The following ADAMTSL1 variants were observed in gnomAD, a reference collection of about 807,000 sequenced individuals.
ADAMTSL1 encodes the protein ADAMTS like 1.
ADAMTSL1 carries 126 observed loss-of-function variants against 201.8 expected under a neutral mutation model. That is an observed-to-expected ratio of 0.62 (90% CI 0.54 to 0.72). The LOEUF (loss-of-function observed/expected upper bound fraction) is 0.72. Ranked by LOEUF, ADAMTSL1 falls within the 30% of genes least tolerant of loss-of-function variation. The pLI, the probability that ADAMTSL1 is intolerant of heterozygous loss-of-function variation, is 0.00. For synonymous variants in ADAMTSL1, 1,121 were observed against 903.4 expected (o/e 1.24, Z -4.32); for missense variants, 2,679 against 2,277.8 (o/e 1.18, Z -3.59).
At chr9:18,016,007 C>G (rs1326296078) in intron 1 of ADAMTSL1, among the ~76,000 whole-genome samples, 1 of 151,976 alleles carries the variant, frequency 6.6e-6, no homozygotes, top group East Asian at 1.9e-4. Context: ...TATGGCAGAT[C>G]TAATCTTGTC....
Position 18,675,883 on chromosome 9 carries a change from A to G in ADAMTSL1, c.1112A>G (p.Tyr371Cys). The G allele has an allele frequency of 6.2e-7, 1 of 1,613,300 alleles. No homozygotes were observed. Among genetic ancestry groups the G allele is most frequent in the East Asian group, 2.2e-5 (1 of 44,824 alleles). The part of the protein sequence containing the change: ...ASDGYKQIMP[Y>C]DLYHPLPRWE... ...GACGGATACAAGCAGATCATGCCTT[A>G]TGACCTCTACCATCCCCTTCCTCGG... is the stretch of plus-strand genomic sequence containing the variant. Residue 371 changes from tyrosine (Y) to cysteine (C), a missense_variant, in exon 10 of 29, where the codon TAT (tyrosine) becomes TGT (cysteine). Tyr to Cys is a radical substitution (Grantham distance 194, BLOSUM62 -2). Coordinates refer to ENST00000380548, the MANE Select transcript of ADAMTSL1 (RefSeq NM_001040272.6).
chr9:18,792,276 A>G (rs979107239), intron 19 of ADAMTSL1, among the ~76,000 whole-genome samples: 9 of 152,170 alleles, frequency 5.9e-5, no homozygotes, highest in Admixed American at 3.3e-4. Context: ...AATTCCTTAT[A>G]TACCCCAGTT....
intron 1 of ADAMTSL1, among the ~76,000 whole-genome samples, chr9:17,933,975 A>G (rs1444585465): frequency 2.0e-5 from 3 of 152,174 alleles, no homozygotes; most frequent in East Asian, 3.8e-4. Flanking sequence ...TTCTGTTTTA[A>G]TATCCTCTTC....
chr9:18,731,190 G>A (rs1164629592), intron 15 of ADAMTSL1, among the ~76,000 whole-genome samples: 1 of 152,224 alleles, frequency 6.6e-6, no homozygotes, highest in Non-Finnish European at 1.5e-5. Flanking sequence ...CCCACCAGGA[G>A]TAGAGATACT....
rs72692434 is a variant in ADAMTSL1, at chr9:18,838,507, C to T, written c.4249+8530C>T. On this transcript the variant is annotated intron_variant, in intron 23 of 28. Transcript: ENST00000380548. ...CAGAATTAGATAGCCTCAGGTGGCT[C>T]CAGTTTAAAAATAAATAAATAAATA... Among the ~76,000 whole-genome samples the T allele has an allele frequency of 6.2e-3, 933 of 151,524 alleles. 8 individuals carry two copies. The highest frequency in any genetic ancestry group is 9.4e-3 in the Non-Finnish European group (635 of 67,858).
At chr9:18,049,859 G>A (rs1821851544) in intron 1 of ADAMTSL1, among the ~76,000 whole-genome samples, 2 of 152,218 alleles carry the variant, frequency 1.3e-5, no homozygotes, top group African/African-American at 2.4e-5. Context: ...TCCTGACCTC[G>A]TGATCTGCCT....
At chr9:17,970,123 G>C (rs1818147302) in intron 1 of ADAMTSL1, among the ~76,000 whole-genome samples, 1 of 151,668 alleles carries the variant, frequency 6.6e-6, no homozygotes, top group Non-Finnish European at 1.5e-5. Flanking sequence ...CTCTTAATGG[G>C]GCCTCATCAT....
At chr9:18,290,781 GTTTT>G (rs71492936) in intron 2 of ADAMTSL1, among the ~76,000 whole-genome samples, 1 of 135,068 alleles carries the variant, frequency 7.4e-6, no homozygotes, top group Non-Finnish European at 1.6e-5. Context: ...TTTTTTGTGT[GTTTT>G]TTTTTTTTTT....
intron 14 of ADAMTSL1, among the ~76,000 whole-genome samples, chr9:18,710,734 G>A (rs1023711223): frequency 2.3e-5 from 3 of 128,480 alleles, no homozygotes; most frequent in African/African-American, 8.5e-5. Flanking sequence ...TTTACATTTG[G>A]CCACCTCAAA....
chr9:18,391,760 CAG>C (rs1838054699), intron 2 of ADAMTSL1, among the ~76,000 whole-genome samples: 3 of 151,534 alleles, frequency 2.0e-5, no homozygotes. Context: ...AATGAAGACT[CAG>C]ATGATTTTTT....
rs148339809 is a variant in ADAMTSL1, at chr9:18,180,825, C to G, written c.207+16844C>G. On this transcript the variant is annotated intron_variant, in intron 2 of 29. Transcript: ENST00000680146. ...GGAACCAAACAAGAGCCCGCATCGC[C>G]AAGTCAATCCTAAGGCAAAAGAACA... is the stretch of plus-strand genomic sequence containing the variant. Among the ~76,000 whole-genome samples, 299 of 152,268 alleles carry G rather than the reference C, an allele frequency of 2.0e-3. 2 individuals carry two copies. Among genetic ancestry groups the G allele is most frequent in the African/African-American group, 6.8e-3 (281 of 41,566 alleles).
chr9:18,280,838 A>T (rs1832757328), intron 2 of ADAMTSL1, among the ~76,000 whole-genome samples: 1 of 150,250 alleles, frequency 6.7e-6, no homozygotes, highest in African/African-American at 2.4e-5. Flanking sequence ...TAAGGCTCTA[A>T]ATCTCCCCAT....
At chr9:18,333,215 C>A (rs1835102278) in intron 2 of ADAMTSL1, among the ~76,000 whole-genome samples, 1 of 152,156 alleles carries the variant, frequency 6.6e-6, no homozygotes, top group Non-Finnish European at 1.5e-5. Context: ...ACCTAAATCT[C>A]ATCTTGAATG....
At chr9:18,645,049 G>A (rs954138710) in intron 7 of ADAMTSL1, among the ~76,000 whole-genome samples, 5 of 152,222 alleles carry the variant, frequency 3.3e-5, no homozygotes, top group African/African-American at 9.6e-5. Context: ...TCCAGCACCT[G>A]TTGTTTCCTG....
chr9:18,087,788 G>T (rs573348492), intron 1 of ADAMTSL1, among the ~76,000 whole-genome samples: 1 of 152,118 alleles, frequency 6.6e-6, no homozygotes, highest in African/African-American at 2.4e-5. Context: ...ATTTGTATCA[G>T]TGTTGTATTG....
rs373460930 is a variant in ADAMTSL1, at chr9:18,474,719, AT to A, written c.63+426del. Among the ~76,000 whole-genome samples the A allele has an allele frequency of 1.7e-4, 26 of 152,264 alleles. No individual in the cohort carries two copies. In the East Asian group the frequency reaches 3.9e-3, roughly 23 times the overall value. ...AGCTTGCCCGTACCGCCTTTAATGA[AT>A]TACTTTCCATCTATGCACATGTACT... is the stretch of plus-strand genomic sequence containing the variant. On this transcript the variant is annotated intron_variant, in intron 1 of 28. Coordinates refer to ENST00000380548, the MANE Select transcript of ADAMTSL1 (RefSeq NM_001040272.6).
At chr9:18,160,161 A>G (rs1827321422) in intron 1 of ADAMTSL1, among the ~76,000 whole-genome samples, 1 of 151,978 alleles carries the variant, frequency 6.6e-6, no homozygotes, top group Non-Finnish European at 1.5e-5. Context: ...TCTCTAAGGA[A>G]TGCTTTGGTG....
chr9:18,438,715 A>T (rs113784731), intron 2 of ADAMTSL1, among the ~76,000 whole-genome samples: 131 of 151,676 alleles, frequency 8.6e-4, no homozygotes, highest in African/African-American at 3.1e-3. Context: ...CCCGGCGCCA[A>T]CTCCTCCGCA....
intron 3 of ADAMTSL1, among the ~76,000 whole-genome samples, chr9:18,542,566 G>T (rs548285092): frequency 6.6e-6 from 1 of 152,152 alleles, no homozygotes; most frequent in Non-Finnish European, 1.5e-5. Flanking sequence ...CAGACACACA[G>T]AGAGAAGACA....
Sources: gnomAD v4.1 joint callset for allele counts (sites outside exome capture counted in the v4.1 genomes callset) on GRCh38, gnomAD v4.1.1 for gene constraint, MANE v1.5 for transcripts, NCBI Gene and HGNC (gene_info 2026-07-23, HGNC 2026-07-21) for gene names.